BCKDHB: variants seen among roughly 807,000 people sequenced by gnomAD.
BCKDHB encodes 2-oxoisovalerate dehydrogenase subunit beta, mitochondrial.
In BCKDHB, 41 loss-of-function variants were observed where a neutral mutation model predicts 48.5. The ratio of observed to expected loss-of-function variants is 0.85; its 90% CI spans 0.66 to 1.10. The LOEUF is 1.10. Ranked by LOEUF, BCKDHB falls within the 50% of genes least tolerant of loss-of-function variation. The pLI is 0.00. For synonymous variants in BCKDHB, 201 were observed against 174.8 expected (o/e 1.15, Z -1.18); for missense variants, 496 against 494.2 (o/e 1.00, Z -0.03).
chr6:80,178,956 G>A (rs1773290795), intron 6 of BCKDHB, among the ~76,000 whole-genome samples: 1 of 152,146 alleles, frequency 6.6e-6, no homozygotes, highest in African/African-American at 2.4e-5. Flanking sequence ...ACTTCCTCCA[G>A]TGTCCTAGTT....
intron 8 of BCKDHB, among the ~76,000 whole-genome samples, chr6:80,256,271 A>G (rs1199076023): frequency 6.6e-6 from 1 of 152,152 alleles, no homozygotes; most frequent in East Asian, 1.9e-4. Context: ...TTGTTGTGCA[A>G]ATATTACAGA....
intron 1 of BCKDHB, among the ~76,000 whole-genome samples, chr6:80,116,156 G>A (rs1769693321): frequency 6.6e-6 from 1 of 152,244 alleles, no homozygotes; most frequent in Non-Finnish European, 1.5e-5. Context: ...TTCCTCAGAT[G>A]CTCTATCCCT....
At chr6:80,260,793 G>T (rs1777266386) in intron 8 of BCKDHB, among the ~76,000 whole-genome samples, 1 of 152,150 alleles carries the variant, frequency 6.6e-6, no homozygotes. Context: ...TATTTGGGAA[G>T]GCCGGAATGG....
intron 8 of BCKDHB, among the ~76,000 whole-genome samples, chr6:80,229,776 A>G (rs990163218): frequency 6.6e-6 from 1 of 151,776 alleles, no homozygotes; most frequent in African/African-American, 2.4e-5. Flanking sequence ...GGTTTTCCTC[A>G]TATTATTAGT....
At chr6:80,318,796 T>G (rs1209537951) in intron 9 of BCKDHB, among the ~76,000 whole-genome samples, 1 of 152,086 alleles carries the variant, frequency 6.6e-6, no homozygotes, top group African/African-American at 2.4e-5. Context: ...TAACAATCAT[T>G]TACATCATAT....
intron 3 of BCKDHB, among the ~76,000 whole-genome samples, chr6:80,145,129 G>A (rs1288210993): frequency 6.6e-6 from 1 of 152,164 alleles, no homozygotes; most frequent in Non-Finnish European, 1.5e-5. Flanking sequence ...ACTGCTAAGG[G>A]ATTTGATCCA....
intron 1 of BCKDHB, among the ~76,000 whole-genome samples, chr6:80,116,909 A>C (rs1201461365): frequency 6.6e-6 from 1 of 152,200 alleles, no homozygotes; most frequent in Admixed American, 6.5e-5. Flanking sequence ...ACATGCTATA[A>C]GTAGGTTTAT....
intron 8 of BCKDHB, among the ~76,000 whole-genome samples, chr6:80,241,602 T>C (rs996009763): frequency 2.0e-5 from 3 of 152,226 alleles, no homozygotes; most frequent in Non-Finnish European, 4.4e-5. Context: ...GCAGCAAATA[T>C]TGCAGAACAG....
At chr6:80,389,946 A>G in the BCKDHB span, among the ~76,000 whole-genome samples, 1 of 152,156 alleles carries the variant, frequency 6.6e-6, no homozygotes, top group Non-Finnish European at 1.5e-5. Flanking sequence ...TTCCCGTGAC[A>G]TTGTGTTCTG....
chr6:80,280,285 A>C (rs1281881953), intron 9 of BCKDHB, among the ~76,000 whole-genome samples: 1 of 152,218 alleles, frequency 6.6e-6, no homozygotes, highest in East Asian at 1.9e-4. Flanking sequence ...AGGAGCTGAA[A>C]ATATTACTAT....
the BCKDHB span, among the ~76,000 whole-genome samples, chr6:80,402,362 T>C: frequency 6.6e-6 from 1 of 151,800 alleles, no homozygotes; most frequent in South Asian, 2.1e-4. Flanking sequence ...TTTCTGATGA[T>C]TAGTGATGTC....
At chr6:80,189,659 C>T (rs1209316580) in intron 6 of BCKDHB, among the ~76,000 whole-genome samples, 1 of 152,048 alleles carries the variant, frequency 6.6e-6, no homozygotes. Context: ...TAGGTCTGCC[C>T]ATACTTAGAG....
intron 8 of BCKDHB, among the ~76,000 whole-genome samples, chr6:80,250,058 T>A (rs1169161204): frequency 6.6e-6 from 1 of 152,182 alleles, no homozygotes; most frequent in Non-Finnish European, 1.5e-5. Flanking sequence ...CAGTACACAG[T>A]GGTGTAGAGT....
At chr6:80,410,192 T>C in the BCKDHB span, among the ~76,000 whole-genome samples, 1 of 152,216 alleles carries the variant, frequency 6.6e-6, no homozygotes, top group South Asian at 2.1e-4. Flanking sequence ...ATTTTATTTC[T>C]CTTTCACTTA....
intron 8 of BCKDHB, among the ~76,000 whole-genome samples, chr6:80,218,095 G>T (rs574721518): frequency 6.6e-6 from 1 of 152,152 alleles, no homozygotes; most frequent in Admixed American, 6.5e-5. Flanking sequence ...ATGTGCTGGG[G>T]CAGATTGTAC....
chr6:80,393,489 T>G, the BCKDHB span, among the ~76,000 whole-genome samples: 1 of 151,828 alleles, frequency 6.6e-6, no homozygotes, highest in African/African-American at 2.4e-5. Flanking sequence ...GAAGATACCA[T>G]TTATGAAGCA....
the BCKDHB span, among the ~76,000 whole-genome samples, chr6:80,415,745 G>A: frequency 1.4e-4 from 22 of 151,904 alleles, no homozygotes; most frequent in African/African-American, 3.1e-4. Flanking sequence ...TTTTTGTTGC[G>A]TCTCTGCCAG....
At chr6:80,220,853 G>A (rs985222954) in intron 8 of BCKDHB, among the ~76,000 whole-genome samples, 1 of 150,030 alleles carries the variant, frequency 6.7e-6, no homozygotes, top group Non-Finnish European at 1.5e-5. Context: ...TCCTGCCTCA[G>A]CCTCCCAAGT....
intron 8 of BCKDHB, among the ~76,000 whole-genome samples, chr6:80,226,780 A>G (rs1319552502): frequency 6.6e-6 from 1 of 152,002 alleles, no homozygotes; most frequent in Non-Finnish European, 1.5e-5. Flanking sequence ...AACACGATAC[A>G]CTCTTTCTTC....
Sources: allele counts gnomAD v4.1 joint callset (sites outside exome capture counted in the v4.1 genomes callset), GRCh38; gene constraint gnomAD v4.1.1; transcripts MANE v1.5; gene names NCBI Gene and HGNC (gene_info 2026-07-23, HGNC 2026-07-21).